Variants in SOBP observed in about 807,000 individuals in gnomAD.
SOBP encodes the protein sine oculis-binding protein homolog.
A neutral mutation model predicts 53.6 loss-of-function variants in SOBP; 4 were observed. The observed-to-expected ratio is 0.07, with a 90% CI of 0.04 to 0.17. The LOEUF (loss-of-function observed/expected upper bound fraction) is 0.17. Ranked by LOEUF, SOBP falls within the 10% of genes least tolerant of loss-of-function variation. The probability of loss-of-function intolerance (pLI) is 1.00; values close to 1 mark genes in which losing one functional copy is unlikely to be tolerated. For synonymous variants in SOBP, 584 were observed against 522.6 expected, an observed-to-expected ratio of 1.12 and a Z score of -1.60; for missense variants, 1,088 against 1,204.7, an observed-to-expected ratio of 0.90 and a Z score of 1.43.
intron 2 of SOBP, among the ~76,000 whole-genome samples, chr6:107,504,766 A>G (rs889266086): frequency 2.0e-5 from 3 of 152,262 alleles, no homozygotes; most frequent in African/African-American, 7.2e-5. Context: ...AGGCAAGTGG[A>G]ATTGAATGTA....
chr6:107,648,218 A>G (rs1265771017), intron 6 of SOBP, among the ~76,000 whole-genome samples: 1 of 152,182 alleles, frequency 6.6e-6, no homozygotes, highest in Non-Finnish European at 1.5e-5. Flanking sequence ...GAAGTAACAC[A>G]CTTAATCTTA....
At chr6:107,644,134 C>G (rs1043780799) in intron 6 of SOBP, among the ~76,000 whole-genome samples, 8 of 152,166 alleles carry the variant, frequency 5.3e-5, no homozygotes, top group Non-Finnish European at 1.2e-4. Context: ...GAAACCCTGT[C>G]TCTACTAAAA....
chr6:107,648,395 AG>A (rs1387238540), intron 6 of SOBP, among the ~76,000 whole-genome samples: 2 of 142,172 alleles, frequency 1.4e-5, no homozygotes, highest in South Asian at 4.5e-4. Context: ...CCACTTTAAC[AG>A]GGACACAGTG....
intron 5 of SOBP, among the ~76,000 whole-genome samples, chr6:107,588,477 G>A (rs768080954): frequency 1.9e-4 from 29 of 152,058 alleles, no homozygotes; most frequent in Non-Finnish European, 3.8e-4. Flanking sequence ...AAACTTCCAG[G>A]ACTGCTAGCA....
At chr6:107,521,916 ACACACACACACAC>A (rs1783505835) in intron 3 of SOBP, among the ~76,000 whole-genome samples, 1 of 14,790 alleles carries the variant, frequency 6.8e-5, no homozygotes, top group Non-Finnish European at 6.0e-4. Context: ...TAAAACACAC[ACACACACACACAC>A]ACACACACAC....
At chr6:107,539,394 A>G (rs540088616) in intron 4 of SOBP, among the ~76,000 whole-genome samples, 2 of 152,328 alleles carry the variant, frequency 1.3e-5, no homozygotes, top group Admixed American at 6.5e-5. Context: ...ATAAATCAGA[A>G]TCCGGTCACC....
At chr6:107,539,215 A>G (rs895553370) in intron 4 of SOBP, among the ~76,000 whole-genome samples, 4 of 152,230 alleles carry the variant, frequency 2.6e-5, no homozygotes, top group African/African-American at 9.6e-5. Flanking sequence ...TGAGACTGTG[A>G]AGGAAACAGC....
intron 3 of SOBP, chr6:107,511,714 C>T (rs529134041): frequency 1.3e-5 from 2 of 152,354 alleles, no homozygotes; most frequent in East Asian, 3.9e-4. Context: ...GAGAACTGCT[C>T]TTCTGGCCCT....
chr6:107,548,428 G>C (rs777858666), intron 4 of SOBP, among the ~76,000 whole-genome samples: 34 of 151,912 alleles, frequency 2.2e-4, no homozygotes, highest in Non-Finnish European at 7.4e-5. Flanking sequence ...ATTTTTAGTA[G>C]AGACAGGGTT....
intron 4 of SOBP, among the ~76,000 whole-genome samples, chr6:107,567,219 A>G (rs1213997418): frequency 6.6e-6 from 1 of 152,260 alleles, no homozygotes; most frequent in Non-Finnish European, 1.5e-5. Context: ...CAGGAAGCAC[A>G]TTGGGAAGAC....
chr6:107,500,316 G>C (rs1467228230), intron 1 of SOBP, among the ~76,000 whole-genome samples: 5 of 150,964 alleles, frequency 3.3e-5, no homozygotes, highest in African/African-American at 1.2e-4. Context: ...GGAGGTGGAG[G>C]TTGCAGTGAA....
At chr6:107,533,955 A>C (rs1783918672) in intron 4 of SOBP, among the ~76,000 whole-genome samples, 2 of 152,200 alleles carry the variant, frequency 1.3e-5, no homozygotes. Flanking sequence ...TTCTTTAAAA[A>C]GCCAAGTAAT....
At position 107,632,492 on chromosome 6, in the gene SOBP, A is replaced by G. The variant is rs117219860; in HGVS notation, c.670-1022A>G. ...CTTGTTTAAAATGCCATATGAAGGAAAGACATTTGTGCAAACAAGAGTCAT... is the reference window on the plus strand; with the variant it reads ...CTTGTTTAAAATGCCATATGAAGGAGAGACATTTGTGCAAACAAGAGTCAT... On this transcript the variant is annotated intron_variant, in intron 5 of 6. Coordinates refer to ENST00000317357, the MANE Select transcript of SOBP (RefSeq NM_018013.4). 7.6e-3 allele frequency among the ~76,000 whole-genome samples: 1,162 copies of G among 152,370 alleles called. 6 individuals carry two copies. Among genetic ancestry groups the G allele is most frequent in the Non-Finnish European group, 0.012 (823 of 68,034 alleles).
intron 4 of SOBP, among the ~76,000 whole-genome samples, chr6:107,548,965 T>A (rs1041856762): frequency 5.9e-5 from 9 of 151,718 alleles, no homozygotes; most frequent in Non-Finnish European, 1.0e-4. Flanking sequence ...ATAAATAAAT[T>A]GAATTAAAAA....
intron 4 of SOBP, among the ~76,000 whole-genome samples, chr6:107,556,828 G>C (rs1488510356): frequency 6.6e-6 from 1 of 152,176 alleles, no homozygotes; most frequent in Admixed American, 6.5e-5. Flanking sequence ...CCTCGGAGCA[G>C]ATGTGTCCAT....
intron 4 of SOBP, among the ~76,000 whole-genome samples, chr6:107,563,647 C>T (rs1317942149): frequency 6.6e-6 from 1 of 151,290 alleles, no homozygotes; most frequent in Non-Finnish European, 1.5e-5. Context: ...AAAGAATAAG[C>T]ATTTTCATTG....
intron 4 of SOBP, among the ~76,000 whole-genome samples, chr6:107,548,496 C>A (rs1784370927): frequency 6.6e-6 from 1 of 152,080 alleles, no homozygotes; most frequent in Non-Finnish European, 1.5e-5. Flanking sequence ...CCCGCCTTGG[C>A]CTCCCAAAGT....
chr6:107,635,222 A>C lies in SOBP; in HGVS notation c.2378A>C (p.Glu793Ala). 6 of 1,613,888 alleles carry C rather than the reference A, an allele frequency of 3.7e-6. No homozygotes were observed. Among genetic ancestry groups the C allele is most frequent in the Non-Finnish European group, 5.1e-6 (6 of 1,179,958 alleles). The change falls in exon 6 of 7, where the codon GAG becomes GCG. Residue 793 changes from glutamate to alanine, a missense_variant. Transcript: ENST00000317357. The surrounding 1 kb of genome is among the most constrained non-coding windows in gnomAD (Gnocchi z 4.5). ...GAGGCGGCCAAAAAGCTGATGGGCG[A>C]GGAGGCCCTGGCGGGGGGCGACAAG... ...DGEAAKKLMGEEALAGGDKSD... is the reference protein window; with the variant it reads ...DGEAAKKLMGAEALAGGDKSD...
chr6:107,506,154 G>A, intron 2 of SOBP, 88 bp from the exon 3 acceptor site: 2 of 1,107,956 alleles, frequency 1.8e-6, no homozygotes, highest in Admixed American at 3.6e-5. Context: ...TGGGTTCATG[G>A]CCATTTTACT....
Sources: gnomAD v4.1 joint callset for allele counts (sites outside exome capture counted in the v4.1 genomes callset) on GRCh38, gnomAD v4.1.1 for gene constraint, Gnocchi (gnomAD v3.1) non-coding constraint, MANE v1.5 for transcripts, NCBI Gene and HGNC (gene_info 2026-07-23, HGNC 2026-07-21) for gene names.